Variants in TJP2 observed in about 807,000 individuals in gnomAD.
TJP2 encodes tight junction protein 2, also known as Friedreich ataxia region gene X104 (tight junction protein ZO-2).
Under a neutral mutation model 133.1 loss-of-function variants are expected in TJP2, and 91 were observed. The observed-to-expected ratio is 0.68, with a 90% CI of 0.58 to 0.81. TJP2 has a LOEUF of 0.81. Among genes scored for constraint, TJP2 ranks in the 40% least tolerant of loss-of-function variants. TJP2 has a pLI of 0.00. For missense variants in TJP2, 1,541 were observed against 1,565.6 expected, an observed-to-expected ratio of 0.98 and a Z score of 0.26; for synonymous variants, 592 against 583.4, an observed-to-expected ratio of 1.01 and a Z score of -0.21.
intron 14 of TJP2, among the ~76,000 whole-genome samples, chr9:69,237,610 A>G: frequency 2.4e-5 from 1 of 41,468 alleles, no homozygotes; most frequent in African/African-American, 8.8e-5. Flanking sequence ...TGAGCCTAGG[A>G]GTTTGAGTTT....
In TJP2 at chr9:69,251,213, C is replaced by G. The variant is rs1446678972; in HGVS notation, c.3170C>G (p.Pro1057Arg). The G allele has an allele frequency of 1.2e-6, 2 of 1,614,042 alleles. No individual in the cohort carries two copies. Among genetic ancestry groups the G allele is most frequent in the African/African-American group, 2.7e-5 (2 of 74,908 alleles). ...ATACTGAAGCCCTCCACTCCCATCC[C>G]TCCTCAAGAGGGTGAGGAGGTGGGA... ...RSILKPSTPI[P>R]PQEGEEVGES... is the part of the protein sequence containing the mutation. Residue 1057 changes from proline to arginine, a missense_variant, in exon 21 of 23, where the codon CCT becomes CGT. Transcript: ENST00000377245.
At chr9:69,208,249 G>T (rs2065920776) in intron 1 of TJP2, among the ~76,000 whole-genome samples, 1 of 152,034 alleles carries the variant, frequency 6.6e-6, no homozygotes, top group African/African-American at 2.4e-5. Flanking sequence ...TTATCACTTG[G>T]CTTAGCAGAG....
At chr9:69,235,242 C>G (rs1398639679) in intron 12 of TJP2, among the ~76,000 whole-genome samples, 2 of 152,172 alleles carry the variant, frequency 1.3e-5, no homozygotes, top group African/African-American at 4.8e-5. Context: ...GGGAAAAGAG[C>G]TGATGTCGCC....
At chr9:69,249,702 G>T (rs1434206795) in intron 20 of TJP2, 1 of 985,324 alleles carries the variant, frequency 1.0e-6, no homozygotes, top group Non-Finnish European at 1.2e-6. Context: ...GAGAGCATAT[G>T]ATTTTAGGAC....
chr9:69,251,690 C>T (rs1831344233), intron 21 of TJP2, among the ~76,000 whole-genome samples: 1 of 151,980 alleles, frequency 6.6e-6, no homozygotes, highest in African/African-American at 2.4e-5. Context: ...TTTTCTTAAA[C>T]GTGTCTTCAT....
chr9:69,140,462 G>T (rs1822971586), intron 1 of TJP2, among the ~76,000 whole-genome samples: 1 of 152,132 alleles, frequency 6.6e-6, no homozygotes, highest in African/African-American at 2.4e-5. Flanking sequence ...GAGTGGGAGG[G>T]GTGTGTCAGC....
intron 1 of TJP2, among the ~76,000 whole-genome samples, chr9:69,180,178 T>A (rs1206906541): frequency 1.3e-5 from 2 of 150,888 alleles, no homozygotes; most frequent in East Asian, 3.9e-4. Flanking sequence ...TTGTAACCCA[T>A]TGTGGGAGAG....
At chr9:69,220,457 G>C (rs73649626) in intron 4 of TJP2, among the ~76,000 whole-genome samples, 2,897 of 152,248 alleles carry the variant, frequency 0.019, 96 homozygotes, top group African/African-American at 0.066. Flanking sequence ...TCACCCTACC[G>C]ATCTAACATT....
intron 1 of TJP2, among the ~76,000 whole-genome samples, chr9:69,196,911 C>A (rs1826597873): frequency 7.8e-6 from 1 of 127,880 alleles, no homozygotes. Context: ...ATTTCTTTTG[C>A]TTGTTTTATA....
rs896087137 is a variant in TJP2 at position 69,205,281 on chromosome 9, A to G, written c.61-7267A>G. 5.9e-6 allele frequency: 9 copies of G among 1,536,978 alleles called. No individual in the cohort carries two copies. The highest frequency in any genetic ancestry group is 2.4e-5 in the East Asian group (1 of 40,932). ...CCCTTGTTTTCCCCAACCTTTCTTC[A>G]TGGGAAGGGGAGGGAAGCAAAACCA... On this transcript the variant is annotated intron_variant, in intron 1 of 22. Coordinates refer to ENST00000377245, the MANE Select transcript of TJP2 (RefSeq NM_004817.4).
intron 1 of TJP2, among the ~76,000 whole-genome samples, chr9:69,149,917 A>G (rs1012383827): frequency 6.6e-6 from 1 of 152,172 alleles, no homozygotes; most frequent in Non-Finnish European, 1.5e-5. Context: ...TAGGAGGCCA[A>G]GGTGGATGGA....
At chr9:69,234,049 A>C (rs1588125929) in intron 11 of TJP2, among the ~76,000 whole-genome samples, 2 of 151,930 alleles carry the variant, frequency 1.3e-5, no homozygotes, top group East Asian at 3.9e-4. Context: ...AGACCCCAAC[A>C]CTCCCCATGC....
intron 1 of TJP2, chr9:69,205,075 C>T: frequency 4.0e-6 from 6 of 1,508,130 alleles, no homozygotes; most frequent in Non-Finnish European, 4.4e-6. Context: ...ACTATTGTAT[C>T]CGCCTTACGT....
chr9:69,243,494 C>T (rs910960220), intron 17 of TJP2, among the ~76,000 whole-genome samples: 3 of 152,208 alleles, frequency 2.0e-5, no homozygotes, highest in Non-Finnish European at 4.4e-5. Flanking sequence ...GTTTGCCTCC[C>T]CTACTACCAA....
upstream of TJP2, among the ~76,000 whole-genome samples, chr9:69,170,818 T>C (rs1028128442): frequency 6.6e-6 from 1 of 152,070 alleles, no homozygotes; most frequent in Non-Finnish European, 1.5e-5. Flanking sequence ...GCCCCCTAAA[T>C]ATTGGCATTC....
chr9:69,214,900 C>A (rs1295468382), intron 2 of TJP2, among the ~76,000 whole-genome samples: 1 of 151,000 alleles, frequency 6.6e-6, no homozygotes, highest in Non-Finnish European at 1.5e-5. Context: ...CCATTTACTT[C>A]TTTTTCACTG....
chr9:69,201,492 C>T (rs950293934), intron 1 of TJP2, among the ~76,000 whole-genome samples: 1 of 151,810 alleles, frequency 6.6e-6, no homozygotes, highest in Admixed American at 6.6e-5. Context: ...CTCATGGAAA[C>T]CCTCCCTGGC....
At chr9:69,195,026 C>G (rs1309707753) in intron 1 of TJP2, among the ~76,000 whole-genome samples, 1 of 152,196 alleles carries the variant, frequency 6.6e-6, no homozygotes, top group African/African-American at 2.4e-5. Flanking sequence ...GATGGTGCCC[C>G]AGGTCTGGGA....
Position 69,254,245 on chromosome 9 carries a change from A to T in TJP2, c.3444A>T (p.Arg1148Ser), listed in dbSNP as rs1372267234. The T allele has an allele frequency of 3.7e-6, 6 of 1,614,200 alleles. No individual in the cohort carries two copies. The South Asian group carries it at 5.5e-5, about 15-fold the overall frequency. The change falls in exon 23 of 23, where the codon AGA (arginine) becomes AGT (serine). Residue 1148 changes from arginine (R) to serine (S), a missense_variant. Physicochemically the swap from Arg to Ser is moderately radical, Grantham distance 110 (BLOSUM62 -1). Coordinates refer to ENST00000377245, the MANE Select transcript of TJP2 (RefSeq NM_004817.4). The stretch of plus-strand genomic sequence containing the variant: ...CTGAGCCACAGAAAGCTCCTTCCAG[A>T]CCTTATCAGGATACCAGAGGAAGTT... ...RPPEPQKAPS[R>S]PYQDTRGSYG... is the part of the protein sequence containing the mutation.
Sources: allele counts gnomAD v4.1 joint callset (sites outside exome capture counted in the v4.1 genomes callset), GRCh38; gene constraint gnomAD v4.1.1; transcripts MANE v1.5; gene names NCBI Gene and HGNC (gene_info 2026-07-23, HGNC 2026-07-21).